TNFSF4: variants seen among roughly 807,000 people sequenced by gnomAD.
TNFSF4 encodes the protein TNF superfamily member 4.
In TNFSF4, 4 loss-of-function variants were observed where a neutral mutation model predicts 7.3. That is an observed-to-expected ratio of 0.55 (90% confidence interval 0.27 to 1.25). TNFSF4 has a LOEUF of 1.25. Ranked by LOEUF, TNFSF4 falls within the 50% of genes most tolerant of loss-of-function variation. The pLI, the probability that TNFSF4 is intolerant of heterozygous loss-of-function variation, is 0.12. For missense variants in TNFSF4, 181 were observed against 208.8 expected, an observed-to-expected ratio of 0.87 and a Z score of 0.82; for synonymous variants, 76 against 83.7, an observed-to-expected ratio of 0.91 and a Z score of 0.50.
At chr1:173,202,445 T>C (rs1180577604) in intron 1 of TNFSF4, among the ~76,000 whole-genome samples, 1 of 152,208 alleles carries the variant, frequency 6.6e-6, no homozygotes, top group Admixed American at 6.5e-5. Flanking sequence ...TTCATTCTCT[T>C]ATTTGTGGAT....
At chr1:173,251,691 G>C in the TNFSF4 span, among the ~76,000 whole-genome samples, 1,348 of 152,284 alleles carry the variant, frequency 8.9e-3, 20 homozygotes, top group African/African-American at 0.031. Context: ...CTATCCCATA[G>C]AGGTATTCTA....
the TNFSF4 span, among the ~76,000 whole-genome samples, chr1:173,221,662 G>A: frequency 6.6e-6 from 1 of 152,138 alleles, no homozygotes; most frequent in African/African-American, 2.4e-5. Flanking sequence ...CAAATGAAGA[G>A]CTCAGTTTTG....
chr1:173,344,714 C>T, the TNFSF4 span, among the ~76,000 whole-genome samples: 7 of 152,144 alleles, frequency 4.6e-5, no homozygotes, highest in Non-Finnish European at 8.8e-5. Flanking sequence ...GAAAACACCT[C>T]CAACTTTAAT....
the TNFSF4 span, among the ~76,000 whole-genome samples, chr1:173,219,698 C>T: frequency 6.7e-6 from 1 of 149,356 alleles, no homozygotes; most frequent in Non-Finnish European, 1.5e-5. Context: ...ACACACACAC[C>T]ATGCAATACT....
upstream of TNFSF4, among the ~76,000 whole-genome samples, chr1:173,212,014 G>C (rs762852037): frequency 2.6e-5 from 4 of 152,124 alleles, no homozygotes; most frequent in Non-Finnish European, 2.9e-5. Flanking sequence ...TTGAACATTT[G>C]CATCTTGTGA....
intron 2 of TNFSF4, among the ~76,000 whole-genome samples, chr1:173,187,170 C>T (rs797007008): frequency 2.8e-4 from 43 of 152,300 alleles, no homozygotes; most frequent in African/African-American, 1.0e-3. Flanking sequence ...TAATGCCCAA[C>T]AGAGTCTCAG....
At chr1:173,362,444 C>G in the TNFSF4 span, 203 of 502,718 alleles carry the variant, frequency 4.0e-4, no homozygotes, top group Non-Finnish European at 6.9e-4. Context: ...TTTTTGGTAG[C>G]TTTTAATTCC....
the TNFSF4 span, among the ~76,000 whole-genome samples, chr1:173,248,062 T>C: frequency 2.0e-5 from 3 of 151,988 alleles, no homozygotes; most frequent in African/African-American, 4.8e-5. Context: ...GAACAGCATA[T>C]GAAAAGTTCC....
At chr1:173,364,864 GA>G in the TNFSF4 span, among the ~76,000 whole-genome samples, 3 of 151,738 alleles carry the variant, frequency 2.0e-5, no homozygotes, top group Middle Eastern at 3.4e-3. Flanking sequence ...ACAATTTTAA[GA>G]AAAAAATATA....
chr1:173,236,416 CAA>C, the TNFSF4 span, among the ~76,000 whole-genome samples: 14 of 110,052 alleles, frequency 1.3e-4, no homozygotes, highest in East Asian at 2.4e-4. Flanking sequence ...CCAGTTATTT[CAA>C]AAAAAAAAAA....
chr1:173,238,382 A>T, the TNFSF4 span, among the ~76,000 whole-genome samples: 3 of 152,220 alleles, frequency 2.0e-5, no homozygotes, highest in Non-Finnish European at 4.4e-5. Context: ...AATTGCAATA[A>T]AGCAAAAATT....
At chr1:173,269,336 T>G in the TNFSF4 span, among the ~76,000 whole-genome samples, 3 of 152,252 alleles carry the variant, frequency 2.0e-5, no homozygotes, top group East Asian at 3.9e-4. Context: ...TCTTTTTACT[T>G]CTTCACAGTT....
At chr1:173,295,783 C>T in the TNFSF4 span, among the ~76,000 whole-genome samples, 1 of 151,986 alleles carries the variant, frequency 6.6e-6, no homozygotes, top group East Asian at 1.9e-4. Flanking sequence ...TCATTGTCCC[C>T]ATAAACTTTT....
At chr1:173,351,957 G>T in the TNFSF4 span, 2 of 526,836 alleles carry the variant, frequency 3.8e-6, no homozygotes, top group Non-Finnish European at 7.0e-6. Context: ...TCACCAGGCA[G>T]GAAAGGAAAA....
the TNFSF4 span, among the ~76,000 whole-genome samples, chr1:173,446,345 A>G: frequency 6.6e-6 from 1 of 152,234 alleles, no homozygotes; most frequent in Non-Finnish European, 1.5e-5. Flanking sequence ...CATTTATTCA[A>G]ATGAGTTAAA....
At chr1:173,220,869 G>T in the TNFSF4 span, among the ~76,000 whole-genome samples, 1 of 152,078 alleles carries the variant, frequency 6.6e-6, no homozygotes. Context: ...ATTAAAAAGT[G>T]GTTAAATGCT....
chr1:173,233,636 T>A, the TNFSF4 span, among the ~76,000 whole-genome samples: 1 of 152,238 alleles, frequency 6.6e-6, no homozygotes, highest in Non-Finnish European at 1.5e-5. Flanking sequence ...AGTTTTAGTG[T>A]TCCCTTTATT....
At chr1:173,260,307 C>T in the TNFSF4 span, among the ~76,000 whole-genome samples, 12,215 of 152,182 alleles carry the variant, frequency 0.08, 856 homozygotes, top group African/African-American at 0.19. Flanking sequence ...AATTTGTCAT[C>T]ACAAGGCCTG....
the TNFSF4 span, among the ~76,000 whole-genome samples, chr1:173,444,351 TGA>T: frequency 6.6e-6 from 1 of 152,122 alleles, no homozygotes; most frequent in South Asian, 2.1e-4. Flanking sequence ...GGTAGGATGA[TGA>T]GTGCTTTTTT....
Sources: gnomAD v4.1 joint callset for allele counts (sites outside exome capture counted in the v4.1 genomes callset) on GRCh38, gnomAD v4.1.1 for gene constraint, MANE v1.5 for transcripts, NCBI Gene and HGNC (gene_info 2026-07-23, HGNC 2026-07-21) for gene names.